Variants in PI16 observed in about 807,000 individuals in gnomAD.
PI16 encodes the protein peptidase inhibitor 16.
In PI16, 35 loss-of-function variants were observed where a neutral mutation model predicts 38.0. The observed-to-expected ratio is 0.92, with a 90% CI of 0.70 to 1.22. PI16 has a LOEUF of 1.22. Ranked by LOEUF, PI16 falls within the 50% of genes most tolerant of loss-of-function variation. The probability of loss-of-function intolerance (pLI) is 0.00; values close to 1 mark genes in which losing one functional copy is unlikely to be tolerated. For missense variants in PI16, 572 were observed against 593.8 expected, an observed-to-expected ratio of 0.96 and a Z score of 0.38; for synonymous variants, 275 against 252.9, an observed-to-expected ratio of 1.09 and a Z score of -0.83.
At chr6:36,958,737 C>G (rs993405815) in intron 1 of PI16, among the ~76,000 whole-genome samples, 6 of 152,052 alleles carry the variant, frequency 3.9e-5, no homozygotes, top group Admixed American at 2.0e-4. Flanking sequence ...AACAACCCAG[C>G]CCCTCAACAT....
intron 1 of PI16, among the ~76,000 whole-genome samples, chr6:36,955,701 A>G (rs1763185639): frequency 6.6e-6 from 1 of 152,230 alleles, no homozygotes; most frequent in Admixed American, 6.5e-5. Context: ...ACATGTAAAA[A>G]TACTATTTAT....
upstream of PI16, among the ~76,000 whole-genome samples, chr6:36,952,855 A>G (rs960121703): frequency 1.3e-5 from 2 of 152,218 alleles, no homozygotes; most frequent in African/African-American, 4.8e-5. Flanking sequence ...GCATTTCAAT[A>G]GGGATTGCAT....
At chr6:36,961,351 G>A (rs1326431537) in intron 2 of PI16, 100 bp from the exon 3 acceptor site, 2 of 962,264 alleles carry the variant, frequency 2.1e-6, no homozygotes, top group Non-Finnish European at 3.4e-6. Flanking sequence ...GCTATAGGGT[G>A]CCTCTTCTCT....
At chr6:36,961,861 G>A (rs375980920) in intron 3 of PI16, 25 bp from the exon 4 acceptor site, 54 of 1,594,960 alleles carry the variant, frequency 3.4e-5, no homozygotes, top group Non-Finnish European at 4.4e-5. Context: ...CCCCCTCCCC[G>A]CAGCATCCTC....
At chr6:36,963,697 G>A in intron 5 of PI16, 85 bp downstream of exon 5, 1 of 1,554,000 alleles carries the variant, frequency 6.4e-7, no homozygotes, top group Non-Finnish European at 8.7e-7. Flanking sequence ...TGAGCATGGT[G>A]GGGCATGCAC....
At chr6:36,952,930 A>G (rs942909417), upstream of PI16, among the ~76,000 whole-genome samples, 6 of 152,204 alleles carry the variant, frequency 3.9e-5, no homozygotes, top group Non-Finnish European at 8.8e-5. Flanking sequence ...TAATCCATGA[A>G]TATAGGATGA....
upstream of PI16, among the ~76,000 whole-genome samples, chr6:36,950,360 T>C (rs1048657243): frequency 2.0e-5 from 3 of 152,226 alleles, no homozygotes; most frequent in African/African-American, 4.8e-5. This position sits in a 1 kb window ranked among gnomAD's most constrained non-coding sequence, Gnocchi z 4.2. Context: ...CATGTTGTAA[T>C]ATGTGTCAGA....
Position 36,964,487 on chromosome 6 carries a change from G to C in PI16, c.*120G>C, listed in dbSNP as rs1035950864. The C allele has an allele frequency of 6.5e-6, 1 of 153,032 alleles. No individual in the cohort carries two copies. The highest frequency in any genetic ancestry group is 1.5e-5 in the Non-Finnish European group (1 of 68,278). The allele number at this position is 153,032 out of a possible 1,614,324, so 9.5% of individuals were successfully genotyped here. A position where few individuals can be genotyped will look rare whatever the true frequency, so the allele number is the denominator to read the frequency against. ...GGCCCTCCGGAAGGGAAAGGCTACG[G>C]GGCATGTGCCTCATCACACCATCCA... On this transcript the variant is annotated 3_prime_UTR_variant, in exon 7 of 7. Transcript: ENST00000373674.
chr6:36,956,664 A>G (rs1763215894), intron 1 of PI16, among the ~76,000 whole-genome samples: 1 of 151,742 alleles, frequency 6.6e-6, no homozygotes, highest in Non-Finnish European at 1.5e-5. Context: ...GCCAAATTAA[A>G]CTCTCTGTGC....
chr6:36,958,152 G>A (rs1353801199), intron 1 of PI16, among the ~76,000 whole-genome samples: 2 of 152,248 alleles, frequency 1.3e-5, no homozygotes, highest in Non-Finnish European at 2.9e-5. Context: ...TCCCCTCAGG[G>A]TCACCCAAGC....
rs1365866804 is a variant in PI16, at chr6:36,962,233, C to A, written c.592+259C>A. ...TCTGGCGGCTTCGGGGGGGCCCGCG[C>A]GAGGTGGGTGTCGCCACACTTTAGG... On this transcript the variant is annotated intron_variant, in intron 4 of 6. Transcript: ENST00000373674. This position sits in a 1 kb window ranked among gnomAD's most constrained non-coding sequence, Gnocchi z 4.1. 2.6e-5 allele frequency among the ~76,000 whole-genome samples: 4 copies of A among 152,128 alleles called. No homozygotes were observed. Among genetic ancestry groups the A allele is most frequent in the African/African-American group, 4.8e-5 (2 of 41,428 alleles).
chr6:36,948,898 GATT>G (rs1763057791), intron 1 of PI16, among the ~76,000 whole-genome samples: 1 of 151,452 alleles, frequency 6.6e-6, no homozygotes, highest in South Asian at 2.1e-4. Flanking sequence ...GGGTTCAAGC[GATT>G]ATTCTGCCTC....
intron 1 of PI16, among the ~76,000 whole-genome samples, chr6:36,956,695 A>C (rs113609409): frequency 0.031 from 4,764 of 152,258 alleles, 246 homozygotes; most frequent in African/African-American, 0.11. Flanking sequence ...TCATCTGTAA[A>C]ATGGGGATGA....
chr6:36,954,596 C>T (rs540605638), upstream of PI16: 8 of 1,099,442 alleles, frequency 7.3e-6, no homozygotes, highest in South Asian at 8.3e-5. Flanking sequence ...TGATGCTGGT[C>T]GGGACCCAAA....
chr6:36,960,826 A>C (rs1037242045), intron 2 of PI16, among the ~76,000 whole-genome samples: 1 of 152,102 alleles, frequency 6.6e-6, no homozygotes, highest in Non-Finnish European at 1.5e-5. Context: ...TTCAGCAGAG[A>C]TTCCTGGGCA....
rs1210940392 is a variant in PI16 at position 36,962,132 on chromosome 6, CCACGCG to C, written c.592+161_592+166del. Among the ~76,000 whole-genome samples the C allele has an allele frequency of 6.6e-6, 1 of 152,218 alleles. No homozygotes were observed. Among genetic ancestry groups the C allele is most frequent in the Non-Finnish European group, 1.5e-5 (1 of 68,040 alleles). On this transcript the variant is annotated intron_variant, in intron 4 of 6. Coordinates refer to ENST00000373674, the MANE Select transcript of PI16 (RefSeq NM_153370.3). The surrounding 1 kb of genome is among the most constrained non-coding windows in gnomAD (Gnocchi z 4.1). Reference sequence around the variant, plus strand: ...GGCCCCTGGCGGCTCCCTTAGCCCCCCACGCGCAGCCACTTTGGCGCCCTGTCGTTC... The same window carrying C: ...GGCCCCTGGCGGCTCCCTTAGCCCCCCAGCCACTTTGGCGCCCTGTCGTTC...
At chr6:36,948,629 T>TCCTCCTTCCCTCCTTCCTCCCTC (rs1763050184) in intron 1 of PI16, among the ~76,000 whole-genome samples, 1 of 53,570 alleles carries the variant, frequency 1.9e-5, no homozygotes, top group Non-Finnish European at 3.8e-5. Flanking sequence ...TTTCCTTCCT[T>TCCTCCTTCCCTCCTTCCTCCCTC]CCTCCTTCCC....
Position 36,961,525 on chromosome 6 carries a change from CAACA to C in PI16, c.469_472del (p.Asn157SerfsTer14). 1 of 1,614,140 alleles carries C rather than the reference CAACA, an allele frequency of 6.2e-7. No homozygotes were observed. The highest frequency in any genetic ancestry group is 8.5e-7 in the Non-Finnish European group (1 of 1,180,028). On this transcript the variant is annotated frameshift_variant, in exon 3 of 7. Coordinates refer to ENST00000373674, the MANE Select transcript of PI16 (RefSeq NM_153370.3). LOFTEE classifies it high-confidence loss of function. ...AGAAGCTCCAGGGTGTTGAGGAGAC[CAACA>C]TCGAATTACTGGTGTGCAACTATGA... is the stretch of plus-strand genomic sequence containing the variant.
chr6:36,963,575 G>C lies in PI16; in HGVS notation c.1233G>C (p.Thr411=). 6.2e-7 allele frequency: 1 copy of C among 1,614,186 alleles called. No homozygotes were observed. The highest frequency in any genetic ancestry group is 8.5e-7 in the Non-Finnish European group (1 of 1,180,020). The change falls in exon 5 of 7, where the codon ACG becomes ACC. Residue 411 remains threonine, a synonymous_variant. Transcript: ENST00000373674. ...ATACCTCTGCCACCGCTAATGCCAC[G>C]GGTGGGCGTGCCCTGGCTCTGCAGT... ...FPNTSATANA[T]GGRALALQSS...
Sources: allele counts gnomAD v4.1 joint callset (sites outside exome capture counted in the v4.1 genomes callset), GRCh38; gene constraint gnomAD v4.1.1; non-coding constraint Gnocchi (gnomAD v3.1); transcripts MANE v1.5; gene names NCBI Gene and HGNC (gene_info 2026-07-23, HGNC 2026-07-21).